Variants in DACH1 observed in about 807,000 individuals in gnomAD.
The protein encoded by DACH1 is dachshund homolog 1.
A neutral mutation model predicts 54.2 loss-of-function variants in DACH1; 12 were observed. That is an observed-to-expected ratio of 0.22 (90% CI 0.14 to 0.36). DACH1 has a LOEUF of 0.36. Ranked by LOEUF, DACH1 falls within the 10% of genes least tolerant of loss-of-function variation. DACH1 has a pLI of 1.00. For synonymous variants in DACH1, 386 were observed against 366.2 expected (o/e 1.05, Z -0.62); for missense variants, 805 against 929.8 (o/e 0.87, Z 1.75).
chr13:71,638,961 TA>T (rs1214766590), intron 2 of DACH1, among the ~76,000 whole-genome samples: 1 of 152,148 alleles, frequency 6.6e-6, no homozygotes, highest in Non-Finnish European at 1.5e-5. Flanking sequence ...TACTGTGAAG[TA>T]ATCTTTCTGC....
rs1024944912 is a variant in DACH1 at position 71,615,566 on chromosome 13, G to A, written c.1126+14990C>T. Reference sequence around the variant, plus strand: ...ACAACTTTCCTCTTCCTGTGTGCCCGTACTTTTTAAAAAGTGTAGCAATGT... The same window carrying A: ...ACAACTTTCCTCTTCCTGTGTGCCCATACTTTTTAAAAAGTGTAGCAATGT... On this transcript the variant is annotated intron_variant, in intron 3 of 10. Coordinates refer to ENST00000613252, the MANE Select transcript of DACH1 (RefSeq NM_080759.6). Among the ~76,000 whole-genome samples the A allele has an allele frequency of 2.0e-5, 3 of 152,060 alleles. No homozygotes were observed. In the East Asian group the frequency reaches 5.8e-4, roughly 29 times the overall value.
intron 1 of DACH1, chr13:71,704,447 G>A (rs9542737): frequency 0.16 from 60,057 of 377,074 alleles, 5,535 homozygotes; most frequent in Non-Finnish European, 0.19. Context: ...ATTAATGTGC[G>A]TACTGAGTAT....
intron 1 of DACH1, among the ~76,000 whole-genome samples, chr13:71,758,123 A>T (rs1885245374): frequency 6.6e-6 from 1 of 152,192 alleles, no homozygotes; most frequent in South Asian, 2.1e-4. Flanking sequence ...CTGTGAACAC[A>T]GTCTCTCCAT....
intron 6 of DACH1, among the ~76,000 whole-genome samples, chr13:71,525,856 T>C (rs1881918765): frequency 6.6e-6 from 1 of 152,138 alleles, no homozygotes; most frequent in South Asian, 2.1e-4. Flanking sequence ...AATTATGAGA[T>C]ATCACCATCA....
intron 1 of DACH1, among the ~76,000 whole-genome samples, chr13:71,843,811 T>C (rs1166641292): frequency 6.6e-6 from 1 of 152,186 alleles, no homozygotes; most frequent in Non-Finnish European, 1.5e-5. Flanking sequence ...CAACCATGCA[T>C]TGTATCAGGG....
rs1294523205 is a variant in DACH1 at position 71,547,527 on chromosome 13, C to A, written c.1570+9497G>T. Among the ~76,000 whole-genome samples the A allele has an allele frequency of 2.0e-5, 3 of 151,970 alleles. No homozygotes were observed. In the East Asian group the frequency reaches 5.8e-4, roughly 29 times the overall value. ...AGTAATGTAAAATTTTAAAGAAAAT[C>A]TAAAATGCAGCTTCTACTGGGACAA... On this transcript the variant is annotated intron_variant, in intron 6 of 10. Coordinates refer to ENST00000613252, the MANE Select transcript of DACH1 (RefSeq NM_080759.6).
At chr13:71,802,440 A>C (rs1008658954) in intron 1 of DACH1, among the ~76,000 whole-genome samples, 2 of 152,034 alleles carry the variant, frequency 1.3e-5, no homozygotes, top group African/African-American at 4.8e-5. Context: ...AGCATATTTA[A>C]TCTGTTCTGG....
chr13:71,764,700 A>G (rs1331339752), intron 1 of DACH1, among the ~76,000 whole-genome samples: 1 of 152,196 alleles, frequency 6.6e-6, no homozygotes, highest in Non-Finnish European at 1.5e-5. Flanking sequence ...CAATAAATAT[A>G]TGCACAATGC....
chr13:71,808,815 A>G (rs1248771778), intron 1 of DACH1, among the ~76,000 whole-genome samples: 1 of 152,204 alleles, frequency 6.6e-6, no homozygotes, highest in Non-Finnish European at 1.5e-5. Context: ...TCTTTTAAAT[A>G]TAATTTGTCT....
intron 4 of DACH1, among the ~76,000 whole-genome samples, chr13:71,560,438 G>T (rs1884513731): frequency 6.6e-6 from 1 of 151,944 alleles, no homozygotes; most frequent in African/African-American, 2.4e-5. Flanking sequence ...TCCTAGTACT[G>T]CTCTGGACAT....
chr13:71,800,536 C>A (rs1248120555), intron 1 of DACH1, among the ~76,000 whole-genome samples: 1 of 152,050 alleles, frequency 6.6e-6, no homozygotes, highest in African/African-American at 2.4e-5. Context: ...CACTTTCTCT[C>A]CCGACTGCCT....
chr13:71,740,580 T>G, intron 1 of DACH1, among the ~76,000 whole-genome samples: 1 of 152,138 alleles, frequency 6.6e-6, no homozygotes, highest in East Asian at 1.9e-4. Flanking sequence ...AAAAAATTGT[T>G]TATGTTAAGA....
chr13:71,475,343 A>G, intron 9 of DACH1, 134 bp from the exon 10 acceptor site: 1 of 782,002 alleles, frequency 1.3e-6, no homozygotes, highest in Non-Finnish European at 2.1e-6. Context: ...AAGGTTGAAC[A>G]AAAACTGTAA....
At chr13:71,855,495 G>A (rs565889001) in intron 1 of DACH1, among the ~76,000 whole-genome samples, 1 of 152,098 alleles carries the variant, frequency 6.6e-6, no homozygotes, top group South Asian at 2.1e-4. Context: ...TTATCCATTT[G>A]CATTTATATG....
At chr13:71,758,454 C>T (rs545310095) in intron 1 of DACH1, among the ~76,000 whole-genome samples, 2 of 152,102 alleles carry the variant, frequency 1.3e-5, no homozygotes, top group Non-Finnish European at 2.9e-5. Context: ...TATAAAAGGT[C>T]TTCAATGTGA....
At chr13:71,655,343 G>A (rs2138635541) in intron 2 of DACH1, among the ~76,000 whole-genome samples, 1 of 150,760 alleles carries the variant, frequency 6.6e-6, no homozygotes, top group Admixed American at 6.6e-5. Context: ...ATAGCAGGCT[G>A]ACATTGGTGA....
intron 6 of DACH1, among the ~76,000 whole-genome samples, chr13:71,546,054 T>C (rs950627512): frequency 1.3e-5 from 2 of 152,110 alleles, no homozygotes; most frequent in Non-Finnish European, 2.9e-5. Flanking sequence ...AGTGATCCAG[T>C]GAAGGCTGAT....
At chr13:71,773,136 T>C (rs1885929699) in intron 1 of DACH1, among the ~76,000 whole-genome samples, 1 of 151,826 alleles carries the variant, frequency 6.6e-6, no homozygotes, top group Admixed American at 6.6e-5. Flanking sequence ...GCGGAAAATT[T>C]AGGTAGAAAT....
chr13:71,675,998 A>C (rs1880542716), intron 2 of DACH1, among the ~76,000 whole-genome samples: 1 of 152,224 alleles, frequency 6.6e-6, no homozygotes, highest in South Asian at 2.1e-4. Flanking sequence ...AACTATAAAA[A>C]AAATACAAAC....
Sources: gnomAD v4.1 joint callset for allele counts (sites outside exome capture counted in the v4.1 genomes callset) on GRCh38, gnomAD v4.1.1 for gene constraint, MANE v1.5 for transcripts, NCBI Gene and HGNC (gene_info 2026-07-23, HGNC 2026-07-21) for gene names.